Variants in UNC80 observed in about 807,000 individuals in gnomAD.
UNC80 encodes unc-80 subunit of NALCN channel complex.
UNC80 carries 164 observed loss-of-function variants against 384.6 expected under a neutral mutation model. The observed-to-expected ratio is 0.43, with a 90% CI of 0.38 to 0.49. The LOEUF (loss-of-function observed/expected upper bound fraction) is 0.49, where lower values mean the gene tolerates loss of function less well. Among genes scored for constraint, UNC80 ranks in the 20% least tolerant of loss-of-function variants. The pLI, the probability that UNC80 is intolerant of heterozygous loss-of-function variation, is 0.00. For missense variants in UNC80, 3,330 were observed against 4,143.0 expected, an observed-to-expected ratio of 0.80 and a Z score of 5.39; for synonymous variants, 1,486 against 1,527.8, an observed-to-expected ratio of 0.97 and a Z score of 0.64.
intron 18 of UNC80, among the ~76,000 whole-genome samples, chr2:209,838,196 G>T (rs547110052): frequency 6.6e-6 from 1 of 152,112 alleles, no homozygotes; most frequent in South Asian, 2.1e-4. Context: ...TTTAAAGAGA[G>T]GTTGGATCAT....
At chr2:209,921,019 G>A (rs1291257417) in intron 33 of UNC80, among the ~76,000 whole-genome samples, 1 of 151,862 alleles carries the variant, frequency 6.6e-6, no homozygotes, top group Admixed American at 6.6e-5. Flanking sequence ...GTAGAGATGG[G>A]GTTTCACCAT....
At position 209,888,077 on chromosome 2, in the gene UNC80, T is replaced by G. The variant is rs1449451480; in HGVS notation, c.4111-18T>G. ...TGGGGAGATGCCAGCACTCATGTGC[T>G]CCTCACTGGCATTTTAGGACTTGGA... On this transcript the variant is annotated intron_variant, in intron 25 of 64. Coordinates refer to ENST00000673920, the MANE Select transcript of UNC80 (RefSeq NM_001371986.1). 5.8e-6 allele frequency: 9 copies of G among 1,551,588 alleles called. No individual in the cohort carries two copies. Among genetic ancestry groups the G allele is most frequent in the Non-Finnish European group, 7.8e-6 (9 of 1,146,938 alleles).
At chr2:209,934,395 C>T (rs2091100037) in intron 39 of UNC80, among the ~76,000 whole-genome samples, 1 of 152,120 alleles carries the variant, frequency 6.6e-6, no homozygotes, top group Admixed American at 6.5e-5. Flanking sequence ...TGAGTGAGGG[C>T]TTTATGAAAA....
chr2:209,876,151 G>A (rs1044956522), intron 23 of UNC80, among the ~76,000 whole-genome samples: 3 of 152,116 alleles, frequency 2.0e-5, no homozygotes, highest in South Asian at 2.1e-4. Flanking sequence ...CTGTAAGCTC[G>A]TTGAGAGGAA....
chr2:209,944,903 C>A, intron 45 of UNC80, 148 bp from the exon 46 acceptor site: 1 of 864,660 alleles, frequency 1.2e-6, no homozygotes, highest in Non-Finnish European at 1.7e-6. Context: ...CATACCACAG[C>A]ATTGCGGGAT....
intron 35 of UNC80, 144 bp from the exon 36 acceptor site, chr2:209,926,699 C>A: frequency 1.0e-6 from 1 of 978,056 alleles, no homozygotes; most frequent in Non-Finnish European, 1.5e-6. Context: ...TCTCTTGAGC[C>A]CAAGAAGTCG....
Position 209,954,185 on chromosome 2 carries a change from C to T in UNC80, c.7372C>T (p.Pro2458Ser), listed in dbSNP as rs1443625942. 11 of 1,550,978 alleles carry T rather than the reference C, an allele frequency of 7.1e-6. No individual in the cohort carries two copies. Among genetic ancestry groups the T allele is most frequent in the Non-Finnish European group, 9.6e-6 (11 of 1,146,946 alleles). Residue 2458 changes from proline to serine, a missense_variant, in exon 48 of 65, where the codon CCT becomes TCT. Physicochemically the swap from Pro to Ser is moderately conservative, Grantham distance 74 (BLOSUM62 -1). Coordinates refer to ENST00000673920, the MANE Select transcript of UNC80 (RefSeq NM_001371986.1). ...KRQTSQVETV[P>S]AAREEIAATA... ...GCAGACATCACAGGTGGAGACAGTACCTGCTGCCCGAGAGGAGATTGCGGC... is the reference window on the plus strand; with the variant it reads ...GCAGACATCACAGGTGGAGACAGTATCTGCTGCCCGAGAGGAGATTGCGGC...
At chr2:209,974,190 A>T (rs567975178) in intron 56 of UNC80, among the ~76,000 whole-genome samples, 8 of 152,314 alleles carry the variant, frequency 5.3e-5, no homozygotes, top group African/African-American at 1.4e-4. Flanking sequence ...GATGAAAATG[A>T]GTCCTTGGAG....
chr2:209,937,594 G>A lies in UNC80; in HGVS notation c.6429G>A (p.Met2143Ile), dbSNP rs1417556035. Residue 2143 changes from methionine to isoleucine, a missense_variant, in exon 42 of 65, where the codon ATG (methionine) becomes ATA (isoleucine). Coordinates refer to ENST00000673920, the MANE Select transcript of UNC80 (RefSeq NM_001371986.1). ...SVSPQLNLVH[M>I]HPEKGQELIQ... is the part of the protein sequence containing the mutation. ...CTCCCCAGCTGAATCTTGTACATAT[G>A]CATCCAGAGAAGGGACAGGAGCTCA... 1 of 1,551,850 alleles carries A rather than the reference G, an allele frequency of 6.4e-7. No individual in the cohort carries two copies.
chr2:209,922,531 C>T (rs147973912), intron 35 of UNC80, 148 bp downstream of exon 35: 1 of 1,011,326 alleles, frequency 9.9e-7, no homozygotes, highest in Non-Finnish European at 1.4e-6. Context: ...AGCATGGCAT[C>T]CTTTAAAAAA....
At chr2:209,988,903 C>T (rs191343839) in intron 61 of UNC80, among the ~76,000 whole-genome samples, 152 of 152,160 alleles carry the variant, frequency 1.0e-3, no homozygotes, top group Non-Finnish European at 2.5e-4. Context: ...CTAAATATAT[C>T]GTAAGATGTT....
chr2:209,851,794 G>A (rs1222512721), intron 22 of UNC80, among the ~76,000 whole-genome samples: 2 of 152,092 alleles, frequency 1.3e-5, no homozygotes, highest in Non-Finnish European at 2.9e-5. Context: ...TACAAAGTCA[G>A]CAAAGGATGG....
intron 35 of UNC80, 42 bp from the exon 36 acceptor site, chr2:209,926,801 A>G: frequency 6.5e-7 from 1 of 1,549,294 alleles, no homozygotes; most frequent in Non-Finnish European, 8.7e-7. Flanking sequence ...ACAAAGAATT[A>G]CGTTACTGAG....
At chr2:209,957,529 G>A (rs1199300975) in intron 48 of UNC80, 115 bp from the exon 49 acceptor site, 2 of 877,284 alleles carry the variant, frequency 2.3e-6, no homozygotes, top group African/African-American at 3.4e-5. Context: ...GTCTTTTGAA[G>A]ACTCTAAAAC....
chr2:209,809,807 C>T (rs747018988), intron 7 of UNC80, among the ~76,000 whole-genome samples: 7 of 152,196 alleles, frequency 4.6e-5, no homozygotes, highest in African/African-American at 7.2e-5. Context: ...GAGGCCTTCC[C>T]GTGGCCATGT....
intron 5 of UNC80, among the ~76,000 whole-genome samples, chr2:209,787,686 C>T (rs747812138): frequency 9.9e-5 from 15 of 151,958 alleles, no homozygotes; most frequent in East Asian, 1.9e-4. Flanking sequence ...ACAAACCTAC[C>T]GCGCTGCCTG....
At position 209,972,209 on chromosome 2, in the gene UNC80, A is replaced by T; in HGVS notation, c.8265A>T (p.Lys2755Asn). ...RLVALQIQAL[K>N]EDFPLSHVIS... The stretch of plus-strand genomic sequence containing the variant: ...CTATTATTGCTGCACAGGCTTTAAA[A>T]GAAGATTTTCCTTTAAGCCATGTGA... Residue 2755 changes from lysine (K) to asparagine (N), a missense_variant, in exon 55 of 65, where the codon AAA becomes AAT. Physicochemically the swap from Lys to Asn is moderately conservative, Grantham distance 94. This residue lies in a region of UNC80 where 1,049 missense variants were observed against 1,488.6 expected (regional missense o/e 0.70). Coordinates refer to ENST00000673920, the MANE Select transcript of UNC80 (RefSeq NM_001371986.1). 6.4e-7 allele frequency: 1 copy of T among 1,551,054 alleles called. No individual in the cohort carries two copies. The highest frequency in any genetic ancestry group is 1.2e-5 in the South Asian group (1 of 83,946).
intron 36 of UNC80, among the ~76,000 whole-genome samples, chr2:209,927,335 G>A (rs1440447909): frequency 6.6e-6 from 1 of 152,100 alleles, no homozygotes. Flanking sequence ...TCTCTCTTAC[G>A]TGATTACCTT....
Position 209,812,338 on chromosome 2 carries a change from G to C in UNC80, c.939-1242G>C, listed in dbSNP as rs539185825. Among the ~76,000 whole-genome samples, 201 of 152,152 alleles carry C rather than the reference G, an allele frequency of 1.3e-3. 1 individual carries two copies. The highest frequency in any genetic ancestry group is 2.6e-3 in the Non-Finnish European group (175 of 68,000). ...GCCTCCCAAAGTGCTGGGATTACAG[G>C]CGTGAGCCACCGCGCCTGGCACCAT... On this transcript the variant is annotated intron_variant, in intron 7 of 64. Transcript: ENST00000673920.
Sources: allele counts gnomAD v4.1 joint callset (sites outside exome capture counted in the v4.1 genomes callset), GRCh38; gene constraint gnomAD v4.1.1; regional missense constraint gnomAD v4.1.1; transcripts MANE v1.5; gene names NCBI Gene and HGNC (gene_info 2026-07-23, HGNC 2026-07-21).